Variants in GMDS observed in about 807,000 individuals in gnomAD.
GMDS encodes GDP-mannose 4,6 dehydratase.
GMDS carries 20 observed loss-of-function variants against 49.9 expected under a neutral mutation model. The observed-to-expected ratio is 0.40, with a 90% CI of 0.28 to 0.58. The LOEUF (loss-of-function observed/expected upper bound fraction) is 0.58. GMDS is among the 20% of genes least tolerant of loss of function. GMDS has a pLI of 0.42. For synonymous variants in GMDS, 177 were observed against 178.6 expected, an observed-to-expected ratio of 0.99 and a Z score of 0.07; for missense variants, 362 against 481.4, an observed-to-expected ratio of 0.75 and a Z score of 2.32.
chr6:1,680,540 T>C (rs770197283), intron 9 of GMDS, among the ~76,000 whole-genome samples: 2 of 152,096 alleles, frequency 1.3e-5, no homozygotes, highest in Admixed American at 1.3e-4. Flanking sequence ...ACCTGACTTC[T>C]CACACGGAAA....
chr6:2,000,008 ATTTT>A (rs1368425433), intron 4 of GMDS, among the ~76,000 whole-genome samples: 3 of 8,080 alleles, frequency 3.7e-4, no homozygotes, highest in Non-Finnish European at 8.8e-4. Flanking sequence ...ATATATATAT[ATTTT>A]TTATATATAT....
intron 1 of GMDS, among the ~76,000 whole-genome samples, chr6:2,197,773 C>T (rs1779336853): frequency 6.6e-6 from 1 of 152,194 alleles, no homozygotes; most frequent in African/African-American, 2.4e-5. Context: ...GTGAGAGAAA[C>T]AATGGCACAA....
At chr6:1,949,834 C>T (rs531241104) in intron 6 of GMDS, among the ~76,000 whole-genome samples, 1 of 152,282 alleles carries the variant, frequency 6.6e-6, no homozygotes, top group South Asian at 2.1e-4. Context: ...TAATGCTCTA[C>T]TGAACTCCAA....
intron 7 of GMDS, among the ~76,000 whole-genome samples, chr6:1,812,921 G>C (rs1435345796): frequency 1.3e-5 from 2 of 152,072 alleles, no homozygotes; most frequent in African/African-American, 4.8e-5. Flanking sequence ...TTCTCTAGGT[G>C]CTTCTAAAAT....
chr6:1,724,767 G>T (rs993651151), intron 9 of GMDS, among the ~76,000 whole-genome samples: 11 of 152,166 alleles, frequency 7.2e-5, no homozygotes, highest in African/African-American at 1.7e-4. Context: ...TGTCAGCACA[G>T]CGTGGCTGGC....
chr6:1,844,335 AC>A (rs966648229), intron 7 of GMDS, among the ~76,000 whole-genome samples: 2 of 152,212 alleles, frequency 1.3e-5, no homozygotes, highest in African/African-American at 4.8e-5. Flanking sequence ...CTTACTGACT[AC>A]TGAGTGGATT....
chr6:2,245,468 A>T lies in GMDS; in HGVS notation c.-46T>A. On this transcript the variant is annotated 5_prime_UTR_variant, in exon 1 of 11. Transcript: ENST00000380815. ...TCGGCGGCAGGGCGGAGCGCGGCAG[A>T]GGGCAGGCGCGGTGCCGGCAGGAAC... 8.6e-7 allele frequency: 1 copy of T among 1,162,080 alleles called. No individual in the cohort carries two copies. Among genetic ancestry groups the T allele is most frequent in the Non-Finnish European group, 1.1e-6 (1 of 888,436 alleles). The allele number at this position is 1,162,080 out of a possible 1,614,324, so 72.0% of individuals were successfully genotyped here. A position where few individuals can be genotyped will look rare whatever the true frequency, so the allele number is the denominator to read the frequency against.
At chr6:2,066,753 G>A (rs1317637158) in intron 4 of GMDS, among the ~76,000 whole-genome samples, 3 of 152,066 alleles carry the variant, frequency 2.0e-5, no homozygotes. Context: ...GGAGCACCCA[G>A]ATTCATAAAG....
chr6:1,680,853 C>G (rs1202982571), intron 9 of GMDS, among the ~76,000 whole-genome samples: 1 of 152,140 alleles, frequency 6.6e-6, no homozygotes, highest in African/African-American at 2.4e-5. Context: ...CTGAAATGGA[C>G]ATAAGTGACC....
chr6:1,716,439 T>A (rs1766178129), intron 9 of GMDS, among the ~76,000 whole-genome samples: 1 of 152,146 alleles, frequency 6.6e-6, no homozygotes, highest in African/African-American at 2.4e-5. Flanking sequence ...AGTGGCCATG[T>A]GGAGTTTAAT....
At chr6:1,846,959 A>C (rs1757441275) in intron 7 of GMDS, among the ~76,000 whole-genome samples, 1 of 152,234 alleles carries the variant, frequency 6.6e-6, no homozygotes, top group East Asian at 1.9e-4. Context: ...ACTAAGGTGC[A>C]GGGGGAGAAA....
intron 7 of GMDS, among the ~76,000 whole-genome samples, chr6:1,849,124 T>C (rs1719525754): frequency 1.3e-5 from 2 of 152,204 alleles, no homozygotes; most frequent in African/African-American, 4.8e-5. Context: ...CCTGTAAGTA[T>C]AGGTTCTAAG....
At chr6:2,003,898 A>C (rs1351934896) in intron 4 of GMDS, among the ~76,000 whole-genome samples, 3 of 152,128 alleles carry the variant, frequency 2.0e-5, no homozygotes, top group Non-Finnish European at 2.9e-5. Flanking sequence ...TTTGCACTAA[A>C]TTTCTGGTAA....
chr6:1,636,603 G>A (rs768874406), intron 9 of GMDS, among the ~76,000 whole-genome samples: 1 of 152,218 alleles, frequency 6.6e-6, no homozygotes, highest in African/African-American at 2.4e-5. Context: ...GTGCTGATGC[G>A]GCCCCCATGG....
intron 7 of GMDS, among the ~76,000 whole-genome samples, chr6:1,767,666 AT>A (rs1317757039): frequency 6.6e-6 from 1 of 152,190 alleles, no homozygotes; most frequent in Non-Finnish European, 1.5e-5. Context: ...TTCTCTGCAA[AT>A]TCTCTGGGGG....
intron 4 of GMDS, among the ~76,000 whole-genome samples, chr6:2,033,837 G>C (rs1331045666): frequency 6.6e-6 from 1 of 152,158 alleles, no homozygotes; most frequent in Non-Finnish European, 1.5e-5. Context: ...TGGAGGTGTT[G>C]AAACTGTACT....
intron 7 of GMDS, among the ~76,000 whole-genome samples, chr6:1,910,589 G>C (rs948707131): frequency 6.6e-6 from 1 of 152,112 alleles, no homozygotes; most frequent in Non-Finnish European, 1.5e-5. Context: ...GATTTGGAAC[G>C]GTGAAGTGAT....
At chr6:1,938,519 G>A (rs1003184948) in intron 6 of GMDS, among the ~76,000 whole-genome samples, 1 of 152,182 alleles carries the variant, frequency 6.6e-6, no homozygotes, top group Non-Finnish European at 1.5e-5. Context: ...TTTCTGCTAG[G>A]AAGAAGTGTG....
At chr6:1,666,876 A>G (rs1055452548) in intron 9 of GMDS, among the ~76,000 whole-genome samples, 6 of 152,186 alleles carry the variant, frequency 3.9e-5, no homozygotes, top group Non-Finnish European at 7.3e-5. Flanking sequence ...CTGGCTTTCT[A>G]TCCACCTTCT....
Sources: allele counts gnomAD v4.1 joint callset (sites outside exome capture counted in the v4.1 genomes callset), GRCh38; gene constraint gnomAD v4.1.1; transcripts MANE v1.5; gene names NCBI Gene and HGNC (gene_info 2026-07-23, HGNC 2026-07-21).